Variants in POU2F2 observed in about 807,000 individuals in gnomAD.
The protein encoded by POU2F2 is POU domain, class 2, transcription factor 2.
A neutral mutation model predicts 63.5 loss-of-function variants in POU2F2; 14 were observed. The ratio of observed to expected loss-of-function variants is 0.22; its 90% CI spans 0.15 to 0.34. The LOEUF (loss-of-function observed/expected upper bound fraction) is 0.34, where lower values mean the gene tolerates loss of function less well. POU2F2 is among the 10% of genes least tolerant of loss of function. POU2F2 has a pLI of 1.00. For synonymous variants in POU2F2, 306 were observed against 348.6 expected (o/e 0.88, Z 1.36); for missense variants, 607 against 815.2 (o/e 0.74, Z 3.11).
At chr19:42,145,474 A>C (rs2034211316) in intron 2 of POU2F2, among the ~76,000 whole-genome samples, 1 of 152,250 alleles carries the variant, frequency 6.6e-6, no homozygotes. Flanking sequence ...GAACTGTATT[A>C]GCCCAGATCG....
intron 5 of POU2F2, among the ~76,000 whole-genome samples, chr19:42,107,616 T>C (rs2030332395): frequency 6.6e-6 from 1 of 152,208 alleles, no homozygotes; most frequent in South Asian, 2.1e-4. Flanking sequence ...CTGTTGTCTG[T>C]TGTCTATATT....
Position 42,095,891 on chromosome 19 carries a change from G to A in POU2F2, c.768C>T (p.Asn256=). The A allele has an allele frequency of 6.2e-7, 1 of 1,613,964 alleles. No homozygotes were observed. Among genetic ancestry groups the A allele is most frequent in the Non-Finnish European group, 8.5e-7 (1 of 1,179,874 alleles). ...VGLAMGKLYG[N]DFSQTTISRF... is the part of the protein sequence containing the mutation. Reference sequence around the variant, plus strand: ...GGGAAATGGTCGTCTGGCTGAAGTCGTTGCCGTAGAGCTTGCCCATGGCCA... The same window carrying A: ...GGGAAATGGTCGTCTGGCTGAAGTCATTGCCGTAGAGCTTGCCCATGGCCA... Residue 256 remains asparagine (N), a synonymous_variant, in exon 9 of 15, where the codon AAC becomes AAT. Transcript: ENST00000692977. The surrounding 1 kb of genome is among the most constrained non-coding windows in gnomAD (Gnocchi z 7.1).
At chr19:42,101,885 G>A (rs141769737) in intron 5 of POU2F2, among the ~76,000 whole-genome samples, 14,110 of 151,920 alleles carry the variant, frequency 0.093, 885 homozygotes, top group Middle Eastern at 0.2. Context: ...GCTGAGGCAG[G>A]AGAATCGCTT....
chr19:42,125,111 T>G (rs1373321905), intron 1 of POU2F2, among the ~76,000 whole-genome samples: 1 of 152,112 alleles, frequency 6.6e-6, no homozygotes, highest in Admixed American at 6.6e-5. Flanking sequence ...CCCATTAAGA[T>G]GCACACTGCA....
intron 5 of POU2F2, among the ~76,000 whole-genome samples, chr19:42,100,502 G>A (rs990957543): frequency 1.3e-5 from 2 of 152,138 alleles, no homozygotes; most frequent in Non-Finnish European, 2.9e-5. Context: ...TGTAATCCCA[G>A]CAATTTGGGA....
rs2076691878 is a variant in POU2F2, at chr19:42,091,002, T to TTTTTG, written c.*250_*254dup. The TTTTTG allele has an allele frequency of 3.0e-6, 1 of 336,432 alleles. No homozygotes were observed. The highest frequency in any genetic ancestry group is 5.3e-6 in the Non-Finnish European group (1 of 187,926). The allele number at this position is 336,432 out of a possible 1,614,324, so 20.8% of individuals were successfully genotyped here. On this transcript the variant is annotated 3_prime_UTR_variant, in exon 15 of 15. Coordinates refer to ENST00000692977, the MANE Select transcript of POU2F2 (RefSeq NM_001394376.1). ...TTTTTTTTGGTTTGTTTTTGGTTTT[T>TTTTTG]TTTTGTTTGTTTTTCACCTCTGGTT...
intron 5 of POU2F2, among the ~76,000 whole-genome samples, chr19:42,106,706 T>G (rs1322078390): frequency 6.7e-6 from 1 of 149,888 alleles, no homozygotes; most frequent in Admixed American, 6.7e-5. Flanking sequence ...GCCCAGGAGT[T>G]TGAGACCAGC....
In POU2F2 at chr19:42,091,548, G is replaced by A; in HGVS notation, c.1584C>T (p.Gly528=). 2 of 1,550,332 alleles carry A rather than the reference G, an allele frequency of 1.3e-6. No individual in the cohort carries two copies. The highest frequency in any genetic ancestry group is 8.7e-7 in the Non-Finnish European group (1 of 1,145,904). ...GGTLPLTSLD[G]SGNLVLGAAG... ...CTGCCCCCAGCACCAGATTCCCGCT[G>A]CCATCAAGGCTGGTAAGGGGCAGGG... Residue 528 remains glycine (G), a synonymous_variant, in exon 15 of 15, where the codon GGC becomes GGT. Coordinates refer to ENST00000692977, the MANE Select transcript of POU2F2 (RefSeq NM_001394376.1).
rs150135552 is a variant in POU2F2 at position 42,123,598 on chromosome 19, A to T, written c.29-1022T>A. On this transcript the variant is annotated intron_variant, in intron 1 of 14. Coordinates refer to ENST00000692977, the MANE Select transcript of POU2F2 (RefSeq NM_001394376.1). ...CACCTCCCCAAAAGCACAGCAAGAC[A>T]GCAGATGTGCCCTGATTGGACCCCT... is the stretch of plus-strand genomic sequence containing the variant. Among the ~76,000 whole-genome samples the T allele has an allele frequency of 2.0e-5, 3 of 152,302 alleles. No homozygotes were observed. In the East Asian group the frequency reaches 5.8e-4, roughly 29 times the overall value.
intron 4 of POU2F2, among the ~76,000 whole-genome samples, chr19:42,121,548 C>T (rs1410451692): frequency 6.6e-6 from 1 of 152,174 alleles, no homozygotes; most frequent in African/African-American, 2.4e-5. Flanking sequence ...CTGCTCACAC[C>T]TTCTCTGCCC....
At chr19:42,114,487 G>C (rs150187283) in intron 5 of POU2F2, among the ~76,000 whole-genome samples, 1 of 152,230 alleles carries the variant, frequency 6.6e-6, no homozygotes, top group African/African-American at 2.4e-5. Flanking sequence ...AAAGAGCTCA[G>C]CCCCAGTGAA....
At position 42,092,071 on chromosome 19, in the gene POU2F2, C is replaced by T. The variant is rs751757418; in HGVS notation, c.1464G>A (p.Thr488=). The change falls in exon 13 of 15, where the codon ACG becomes ACA. Residue 488 remains threonine, a splice_region_variant and synonymous_variant. Transcript: ENST00000692977. This position sits in a 1 kb window ranked among gnomAD's most constrained non-coding sequence, Gnocchi z 5.0. The part of the protein sequence containing the change: ...AIGLSGLNPS[T]GSTMVGLSSG... ...GCTTCCCACGTGCACCCACTTACCC[C>T]GTGCTGGGGTTCAGGCCTGACAAGC... The T allele has an allele frequency of 1.2e-5, 19 of 1,597,012 alleles. No individual in the cohort carries two copies. Among genetic ancestry groups the T allele is most frequent in the Middle Eastern group, 1.7e-4 (1 of 5,988 alleles).
intron 1 of POU2F2, among the ~76,000 whole-genome samples, chr19:42,167,654 T>C (rs927870516): frequency 6.6e-6 from 1 of 152,060 alleles, no homozygotes; most frequent in Non-Finnish European, 1.5e-5. Context: ...AAAAGTTGAA[T>C]AGACAGACAG....
At chr19:42,191,423 C>T (rs2035074313) in intron 1 of POU2F2, among the ~76,000 whole-genome samples, 2 of 152,210 alleles carry the variant, frequency 1.3e-5, no homozygotes. Flanking sequence ...CAATCCTTTC[C>T]TCACTCCTTC....
chr19:42,140,995 A>G (rs2034115771), intron 2 of POU2F2, among the ~76,000 whole-genome samples: 1 of 152,016 alleles, frequency 6.6e-6, no homozygotes, highest in South Asian at 2.1e-4. Flanking sequence ...CCCATCCCTC[A>G]TGCCTGCTTT....
At chr19:42,135,947 G>A (rs536871607), upstream of POU2F2, among the ~76,000 whole-genome samples, 2 of 152,142 alleles carry the variant, frequency 1.3e-5, no homozygotes, top group South Asian at 4.2e-4. Context: ...CTGAGATCAT[G>A]TGATCCACAC....
At chr19:42,164,170 T>G (rs55660965) in intron 1 of POU2F2, among the ~76,000 whole-genome samples, 3,787 of 152,052 alleles carry the variant, frequency 0.025, 148 homozygotes, top group South Asian at 0.14. Flanking sequence ...GGTGCGCCTG[T>G]AATCCCAGCT....
chr19:42,100,085 CTTTTTTTTTTT>C lies in POU2F2; in HGVS notation c.370-275_370-265del, dbSNP rs948283094. Among the ~76,000 whole-genome samples, 16 of 77,078 alleles carry C rather than the reference CTTTTTTTTTTT, an allele frequency of 2.1e-4. 1 individual carries two copies. The highest frequency in any genetic ancestry group is 2.1e-4 in the Non-Finnish European group (8 of 39,020). The allele number at this position is 77,078 out of a possible 152,430, so 50.6% of individuals were successfully genotyped here. A position where few individuals can be genotyped will look rare whatever the true frequency, so the allele number is the denominator to read the frequency against. ...CTCACTCTTTATTTACCCTTTCTTT[CTTTTTTTTTTT>C]TTTTTTTTTTTTTTTTTTTGAGTCT... On this transcript the variant is annotated intron_variant, in intron 5 of 14. Transcript: ENST00000692977.
At chr19:42,188,854 GAGAGAA>G (rs1184774829) in intron 1 of POU2F2, among the ~76,000 whole-genome samples, 1 of 142,428 alleles carries the variant, frequency 7.0e-6, no homozygotes, top group East Asian at 2.1e-4. Context: ...AAGGGAAAGA[GAGAGAA>G]AGAAAGAAAG....
Sources: allele counts gnomAD v4.1 joint callset (sites outside exome capture counted in the v4.1 genomes callset), GRCh38; gene constraint gnomAD v4.1.1; non-coding constraint Gnocchi (gnomAD v3.1); transcripts MANE v1.5; gene names NCBI Gene and HGNC (gene_info 2026-07-23, HGNC 2026-07-21).